CELSR1: variants seen among roughly 807,000 people sequenced by gnomAD.
The protein encoded by CELSR1 is cadherin EGF LAG seven-pass G-type receptor 1.
In CELSR1, 110 loss-of-function variants were observed where a neutral mutation model predicts 249.1. The ratio of observed to expected loss-of-function variants is 0.44; its 90% CI spans 0.38 to 0.52. The LOEUF (loss-of-function observed/expected upper bound fraction) is 0.52, where lower values mean the gene tolerates loss of function less well. Among genes scored for constraint, CELSR1 ranks in the 20% least tolerant of loss-of-function variants. The pLI is 0.00. For synonymous variants in CELSR1, 2,113 were observed against 1,900.0 expected, an observed-to-expected ratio of 1.11 and a Z score of -2.92; for missense variants, 4,109 against 4,296.4, an observed-to-expected ratio of 0.96 and a Z score of 1.22.
At position 46,512,572 on chromosome 22, in the gene CELSR1, A is replaced by T. The variant is rs562125787; in HGVS notation, c.3544+21055T>A. Among the ~76,000 whole-genome samples the T allele has an allele frequency of 6.6e-6, 1 of 152,236 alleles. No individual in the cohort carries two copies. The highest frequency in any genetic ancestry group is 2.1e-4 in the South Asian group (1 of 4,820). On this transcript the variant is annotated intron_variant, in intron 1 of 34. Coordinates refer to ENST00000674500, the MANE Select transcript of CELSR1 (RefSeq NM_001378328.1). The surrounding 1 kb of genome is among the most constrained non-coding windows in gnomAD (Gnocchi z 5.2). ...GGGTGAAAGAGTGAGACTCCATCTC[A>T]ACAACAACAAAAAATCAAGGCCCAA...
In CELSR1 at chr22:46,488,757, T is replaced by A. The variant is rs1223851656; in HGVS notation, c.3545-24412A>T. Among the ~76,000 whole-genome samples the A allele has an allele frequency of 6.6e-6, 1 of 151,546 alleles. No individual in the cohort carries two copies. Among genetic ancestry groups the A allele is most frequent in the East Asian group, 1.9e-4 (1 of 5,178 alleles). On this transcript the variant is annotated intron_variant, in intron 1 of 34. Transcript: ENST00000674500. This position sits in a 1 kb window ranked among gnomAD's most constrained non-coding sequence, Gnocchi z 4.7. ...TCACTGCAAGCTCCACCTCCCAGGT[T>A]CATGCCATTCTCCTGCCTCAGCCTC...
chr22:46,435,079 T>C (rs554879853), intron 4 of CELSR1, among the ~76,000 whole-genome samples: 3 of 152,144 alleles, frequency 2.0e-5, no homozygotes, highest in Admixed American at 6.6e-5. Context: ...AGAAATGTTC[T>C]TTTCTAACAA....
intron 1 of CELSR1, among the ~76,000 whole-genome samples, chr22:46,505,949 C>T (rs1419930065): frequency 2.0e-5 from 3 of 152,128 alleles, no homozygotes; most frequent in Non-Finnish European, 2.9e-5. Flanking sequence ...GAGGCCGAGG[C>T]AGGTGGATCA....
rs779306866 is a variant in CELSR1 at position 46,535,721 on chromosome 22, T to C, written c.1450A>G (p.Thr484Ala). The C allele has an allele frequency of 9.9e-6, 16 of 1,612,624 alleles. No individual in the cohort carries two copies. Among genetic ancestry groups the C allele is most frequent in the African/African-American group, 1.3e-5 (1 of 74,950 alleles). ...GCGTTCTGGCCCTGGTCCCGGTCCG[T>C]GGCCTGCACTCGCAGCACAGCCGTG... ...LNTAVLRVQA[T>A]DRDQGQNAAI... is the part of the protein sequence containing the mutation. Residue 484 changes from threonine to alanine, a missense_variant, in exon 1 of 35, where the codon ACG becomes GCG. This residue lies in a region of CELSR1 where 135 missense variants were observed against 190.0 expected (regional missense o/e 0.71). Coordinates refer to ENST00000674500, the MANE Select transcript of CELSR1 (RefSeq NM_001378328.1).
intron 18 of CELSR1, among the ~76,000 whole-genome samples, chr22:46,387,902 C>T (rs1005449315): frequency 2.0e-5 from 3 of 152,300 alleles, no homozygotes; most frequent in African/African-American, 7.2e-5. Context: ...ACCACCACAA[C>T]CTGGGCTGCG....
intron 1 of CELSR1, among the ~76,000 whole-genome samples, chr22:46,467,739 A>G (rs1300510178): frequency 6.6e-6 from 1 of 151,626 alleles, no homozygotes; most frequent in Non-Finnish European, 1.5e-5. Context: ...GGAGAATGGC[A>G]TGAACCTGGG....
In CELSR1 at chr22:46,411,491, G is replaced by A. The variant is rs1379789146; in HGVS notation, c.4769+111C>T. 1.5e-5 allele frequency: 19 copies of A among 1,264,300 alleles called. No homozygotes were observed. The highest frequency in any genetic ancestry group is 4.4e-5 in the African/African-American group (3 of 67,486). The allele number at this position is 1,264,300 out of a possible 1,614,324, so 78.3% of individuals were successfully genotyped here. A position where few individuals can be genotyped will look rare whatever the true frequency, so the allele number is the denominator to read the frequency against. Reference sequence around the variant, plus strand: ...TCTGACTCTAGCCTGGAATGAGGTCGCCAGGGCACTGCACCCAGAGTGCCT... The same window carrying A: ...TCTGACTCTAGCCTGGAATGAGGTCACCAGGGCACTGCACCCAGAGTGCCT... On this transcript the variant is annotated intron_variant, in intron 6 of 34. Coordinates refer to ENST00000674500, the MANE Select transcript of CELSR1 (RefSeq NM_001378328.1). The surrounding 1 kb of genome is among the most constrained non-coding windows in gnomAD (Gnocchi z 4.2).
Position 46,535,299 on chromosome 22 carries a change from G to A in CELSR1, c.1872C>T (p.Pro624=), listed in dbSNP as rs750486550. The A allele has an allele frequency of 1.9e-6, 3 of 1,611,462 alleles. No homozygotes were observed. The highest frequency in any genetic ancestry group is 1.3e-5 in the African/African-American group (1 of 75,044). The change falls in exon 1 of 35, where the codon CCC becomes CCT. Residue 624 remains proline (P), a synonymous_variant. Coordinates refer to ENST00000674500, the MANE Select transcript of CELSR1 (RefSeq NM_001378328.1). Reference sequence around the variant, plus strand: ...GGATCTGGAAGGGGAAGTCAGGGGTGGGGGCAGGATTCTTAGGCCCAGCGC... The same window carrying A: ...GGATCTGGAAGGGGAAGTCAGGGGTAGGGGCAGGATTCTTAGGCCCAGCGC... ...GGSAGPKNPA[P]TPDFPFQIHN...
chr22:46,532,401 A>G (rs189852497), intron 1 of CELSR1, among the ~76,000 whole-genome samples: 3 of 152,386 alleles, frequency 2.0e-5, no homozygotes, highest in East Asian at 1.9e-4. Flanking sequence ...AATTGTGCGG[A>G]AGGTTTGTAT....
intron 25 of CELSR1, 74 bp downstream of exon 25, chr22:46,372,809 G>A (rs972699417): frequency 6.6e-6 from 10 of 1,506,226 alleles, no homozygotes; most frequent in African/African-American, 2.7e-5. Context: ...AGAGAAAGGA[G>A]GGCAGCGTTC....
At chr22:46,452,606 G>A (rs563683546) in intron 2 of CELSR1, among the ~76,000 whole-genome samples, 3 of 152,334 alleles carry the variant, frequency 2.0e-5, no homozygotes, top group Admixed American at 6.5e-5. Flanking sequence ...CCTGCAGGGC[G>A]TTTCCAACCC....
rs1442356281 is a variant in CELSR1 at position 46,396,133 on chromosome 22, G to A, written c.5843+472C>T. On this transcript the variant is annotated intron_variant, in intron 13 of 34. Transcript: ENST00000674500. The surrounding 1 kb of genome is among the most constrained non-coding windows in gnomAD (Gnocchi z 6.4). ...CCAAATTGATTCTCATTGCCCAAGC[G>A]TGGTGGCTCACACCCGTAATCCCAG... Among the ~76,000 whole-genome samples the A allele has an allele frequency of 1.3e-5, 2 of 152,164 alleles. No homozygotes were observed. The highest frequency in any genetic ancestry group is 2.9e-5 in the Non-Finnish European group (2 of 68,040).
chr22:46,535,782 G>GTTC lies in CELSR1; in HGVS notation c.1386_1388dup (p.Gln462_Asn463insLys). Reference sequence around the variant, plus strand: ...CGTCCTCGGGCACCTGGACCACGTAGTTCTGCTCGCTGAACTGGGGGTAGT... The same window carrying GTTC: ...CGTCCTCGGGCACCTGGACCACGTAGTTCTTCTGCTCGCTGAACTGGGGGTAGT... On this transcript the variant is annotated inframe_insertion, in exon 1 of 35. Transcript: ENST00000674500. 1 of 1,612,494 alleles carries GTTC rather than the reference G, an allele frequency of 6.2e-7. No homozygotes were observed.
intron 9 of CELSR1, among the ~76,000 whole-genome samples, chr22:46,403,491 A>G (rs1160449257): frequency 6.6e-6 from 1 of 152,024 alleles, no homozygotes; most frequent in African/African-American, 2.4e-5. Context: ...CAGGAGGTGG[A>G]GCTTGCAGTG....
chr22:46,493,552 A>G (rs987353973), intron 1 of CELSR1, among the ~76,000 whole-genome samples: 4 of 152,112 alleles, frequency 2.6e-5, no homozygotes, highest in Non-Finnish European at 5.9e-5. Context: ...TCTCAAAAAA[A>G]AAAAAAAAAA....
At chr22:46,459,628 G>A (rs1292908533) in intron 2 of CELSR1, among the ~76,000 whole-genome samples, 5 of 152,336 alleles carry the variant, frequency 3.3e-5, no homozygotes, top group Middle Eastern at 6.8e-3. Flanking sequence ...CTGCCGTGGG[G>A]CGGCCCTGTG....
rs1339130409 is a variant in CELSR1 at position 46,401,942 on chromosome 22, G to A, written c.5227-2040C>T. Among the ~76,000 whole-genome samples, 1 of 152,086 alleles carries A rather than the reference G, an allele frequency of 6.6e-6. No homozygotes were observed. The highest frequency in any genetic ancestry group is 2.4e-5 in the African/African-American group (1 of 41,420). ...TCTCTACTAAAAATACAAAAAATTA[G>A]CTGGGCGTGGTGGCAGGTGCCTGTA... On this transcript the variant is annotated intron_variant, in intron 9 of 34. Transcript: ENST00000674500. The surrounding 1 kb of genome is among the most constrained non-coding windows in gnomAD (Gnocchi z 4.7).
rs1022485303 is a variant in CELSR1, at chr22:46,441,101, C to T, written c.4184-1690G>A. 9.3e-5 allele frequency among the ~76,000 whole-genome samples: 14 copies of T among 150,354 alleles called. No individual in the cohort carries two copies. The highest frequency in any genetic ancestry group is 1.3e-4 in the Admixed American group (2 of 14,934). ...CCGGGAGGCGGAGGTTGTAGCGAGC[C>T]GAGGTCACACTACCGCACTCCAGCC... On this transcript the variant is annotated intron_variant, in intron 2 of 34. Transcript: ENST00000674500. The surrounding 1 kb of genome is among the most constrained non-coding windows in gnomAD (Gnocchi z 6.1).
intron 14 of CELSR1, among the ~76,000 whole-genome samples, chr22:46,392,910 C>T (rs904116680): frequency 2.0e-5 from 3 of 152,136 alleles, no homozygotes; most frequent in Admixed American, 6.5e-5. Flanking sequence ...CAATGCACTC[C>T]CCATGTTCTC....
Sources: gnomAD v4.1 joint callset for allele counts (sites outside exome capture counted in the v4.1 genomes callset) on GRCh38, gnomAD v4.1.1 for gene constraint, gnomAD v4.1.1 regional missense constraint, Gnocchi (gnomAD v3.1) non-coding constraint, MANE v1.5 for transcripts, NCBI Gene and HGNC (gene_info 2026-07-23, HGNC 2026-07-21) for gene names.